SRPK1: variants seen among roughly 807,000 people sequenced by gnomAD.
The protein encoded by SRPK1 is SRSF protein kinase 1.
In SRPK1, 52 loss-of-function variants were observed where a neutral mutation model predicts 89.5. The observed-to-expected ratio is 0.58, with a 90% confidence interval of 0.46 to 0.73. The LOEUF is 0.73. SRPK1 is among the 30% of genes least tolerant of loss of function. SRPK1 has a pLI of 0.00. For synonymous variants in SRPK1, 255 were observed against 270.2 expected (o/e 0.94, Z 0.55); for missense variants, 603 against 780.6 (o/e 0.77, Z 2.71).
intron 2 of SRPK1, among the ~76,000 whole-genome samples, chr6:35,898,152 GA>G (rs11347334): frequency 0.32 from 47,898 of 151,956 alleles, 7,776 homozygotes; most frequent in South Asian, 0.42. Context: ...AACAGATAAA[GA>G]AAAATGTCGC....
intron 12 of SRPK1, 58 bp from the exon 13 acceptor site, chr6:35,857,426 A>G: frequency 7.7e-7 from 1 of 1,305,332 alleles, no homozygotes; most frequent in East Asian, 2.5e-5. Flanking sequence ...ACAAGTCAAT[A>G]CTGCTTAATA....
chr6:35,915,991 A>AAAAAT (rs1433969114), intron 2 of SRPK1, among the ~76,000 whole-genome samples: 2,143 of 86,038 alleles, frequency 0.025, 131 homozygotes, highest in Non-Finnish European at 0.036. Flanking sequence ...AAAAAAAAAA[A>AAAAAT]ATATATACAC....
intron 6 of SRPK1, among the ~76,000 whole-genome samples, chr6:35,885,078 C>A (rs1770373752): frequency 2.0e-5 from 3 of 152,062 alleles, no homozygotes. Flanking sequence ...AGGTACTCAG[C>A]ATTACTGGGG....
intron 2 of SRPK1, among the ~76,000 whole-genome samples, chr6:35,893,209 T>G (rs973073188): frequency 2.0e-5 from 3 of 152,050 alleles, no homozygotes; most frequent in Admixed American, 1.3e-4. Context: ...ATGGGGCCGG[T>G]TGCGGTGGCT....
In SRPK1 at chr6:35,914,369, G is replaced by T. The variant is rs574876565; in HGVS notation, c.74+6099C>A. ...GCAAAAAATTCAAAATTACAACAAG[G>T]TATTTTATAGATTACCAGATTTGGC... On this transcript the variant is annotated intron_variant, in intron 2 of 15. Transcript: ENST00000373825. Among the ~76,000 whole-genome samples the T allele has an allele frequency of 7.8e-4, 119 of 152,182 alleles. 1 individual carries two copies. The highest frequency in any genetic ancestry group is 2.5e-3 in the African/African-American group (102 of 41,540).
At chr6:35,920,553 G>A (rs758909246) in intron 1 of SRPK1, 25 bp from the exon 2 acceptor site, 3 of 1,610,510 alleles carry the variant, frequency 1.9e-6, no homozygotes, top group Non-Finnish European at 2.5e-6. Context: ...GATGGATGAA[G>A]GGCGAATGTG....
At chr6:35,851,274 T>C (rs1403854596) in intron 13 of SRPK1, among the ~76,000 whole-genome samples, 1 of 151,888 alleles carries the variant, frequency 6.6e-6, no homozygotes, top group Non-Finnish European at 1.5e-5. Flanking sequence ...TCCTGGGTTC[T>C]AGCGATTCTC....
rs34144793 is a variant in SRPK1, at chr6:35,874,243, AT to A, written c.574del (p.Ile192LeufsTer32). 5.0e-6 allele frequency: 8 copies of A among 1,610,014 alleles called. No individual in the cohort carries two copies. The highest frequency in any genetic ancestry group is 3.4e-5 in the Admixed American group (2 of 59,622). The part of the protein sequence containing the change: ...QGLPLPCVKK[I>X]IQQVLQGLDY... ...ATTCAAGATACATACTTGCTGAATA[AT>A]TTTTTTGACACAAGGCAGTGGAAGC... On this transcript the variant is annotated frameshift_variant, in exon 7 of 16. Coordinates refer to ENST00000373825, the MANE Select transcript of SRPK1 (RefSeq NM_003137.5). LOFTEE classifies it high-confidence loss of function.
chr6:35,846,093 T>C lies in SRPK1; in HGVS notation c.1621-3489A>G, dbSNP rs192543501. On this transcript the variant is annotated intron_variant, in intron 13 of 15. Transcript: ENST00000373825. ...GGAAAAGGGAAACACGGAGTTTTTC[T>C]TCAATGGTATATAGAGTTTCAGTTT... Among the ~76,000 whole-genome samples, 784 of 152,198 alleles carry C rather than the reference T, an allele frequency of 5.2e-3. 9 individuals carry two copies. Among genetic ancestry groups the C allele is most frequent in the African/African-American group, 0.018 (731 of 41,512 alleles).
intron 14 of SRPK1, among the ~76,000 whole-genome samples, 197 bp downstream of exon 14, chr6:35,842,338 C>G (rs1480714123): frequency 6.6e-6 from 1 of 152,172 alleles, no homozygotes; most frequent in Non-Finnish European, 1.5e-5. Context: ...CCTTTTGACT[C>G]TGACAGAGCT....
intron 6 of SRPK1, 97 bp downstream of exon 6, chr6:35,886,627 G>A: frequency 1.4e-6 from 1 of 720,682 alleles, no homozygotes; most frequent in Non-Finnish European, 2.5e-6. Flanking sequence ...ATTATAGTTT[G>A]CCTTAGAAAA....
intron 4 of SRPK1, 140 bp downstream of exon 4, chr6:35,888,673 TAC>T: frequency 1.7e-6 from 1 of 592,816 alleles, no homozygotes; most frequent in South Asian, 2.2e-5. Context: ...TCTCCAAGAA[TAC>T]AGAGACTATT....
intron 2 of SRPK1, among the ~76,000 whole-genome samples, chr6:35,910,035 G>A (rs751514670): frequency 1.3e-5 from 2 of 151,706 alleles, no homozygotes; most frequent in Non-Finnish European, 2.9e-5. Flanking sequence ...TCAGGCTAGA[G>A]TGCAATGGCA....
At chr6:35,895,099 AT>A (rs1770602950) in intron 2 of SRPK1, among the ~76,000 whole-genome samples, 2 of 152,228 alleles carry the variant, frequency 1.3e-5, no homozygotes, top group South Asian at 4.1e-4. Context: ...TAACAATATG[AT>A]AAAAAAGAGG....
In SRPK1 at chr6:35,878,187, T is replaced by G. The variant is rs116421466; in HGVS notation, c.479-3848A>C. Among the ~76,000 whole-genome samples the G allele has an allele frequency of 5.6e-4, 86 of 152,306 alleles. 1 individual carries two copies. The highest frequency in any genetic ancestry group is 8.7e-4 in the Non-Finnish European group (59 of 68,032). ...GTAGCAAAGCATACCCCTAAGTGCT[T>G]AGATTCTGGATGTCATTTCCCACTG... On this transcript the variant is annotated intron_variant, in intron 6 of 15. Transcript: ENST00000373825.
At chr6:35,848,657 G>A (rs1194705742) in intron 13 of SRPK1, among the ~76,000 whole-genome samples, 2 of 152,128 alleles carry the variant, frequency 1.3e-5, no homozygotes, top group Non-Finnish European at 2.9e-5. Context: ...AAAAGCAGAC[G>A]CATAGACCAA....
chr6:35,889,030 A>C, intron 3 of SRPK1, 107 bp from the exon 4 acceptor site: 1 of 677,226 alleles, frequency 1.5e-6, no homozygotes, highest in Non-Finnish European at 2.6e-6. Context: ...CCTTTTATCA[A>C]TAAAAAGTTT....
intron 14 of SRPK1, 154 bp from the exon 15 acceptor site, chr6:35,838,583 T>A: frequency 7.0e-7 from 1 of 1,433,148 alleles, no homozygotes; most frequent in Non-Finnish European, 9.6e-7. Flanking sequence ...AGAGGAAGAC[T>A]CTATCCATCT....
At chr6:35,856,733 A>G (rs1389342161) in intron 13 of SRPK1, among the ~76,000 whole-genome samples, 2 of 152,246 alleles carry the variant, frequency 1.3e-5, no homozygotes, top group African/African-American at 4.8e-5. Flanking sequence ...ACACATTCCA[A>G]CATGAGGATA....
Sources: allele counts gnomAD v4.1 joint callset (sites outside exome capture counted in the v4.1 genomes callset), GRCh38; gene constraint gnomAD v4.1.1; transcripts MANE v1.5; gene names NCBI Gene and HGNC (gene_info 2026-07-23, HGNC 2026-07-21).